The following GALNS variants were observed in gnomAD, a reference collection of about 807,000 sequenced individuals.
GALNS encodes the protein N-acetylgalactosamine-6-sulfatase.
A neutral mutation model predicts 65.9 loss-of-function variants in GALNS; 65 were observed. The ratio of observed to expected loss-of-function variants is 0.99; its 90% CI spans 0.81 to 1.21. The LOEUF (loss-of-function observed/expected upper bound fraction) is 1.21, where lower values mean the gene tolerates loss of function less well. Ranked by LOEUF, GALNS falls within the 50% of genes most tolerant of loss-of-function variation. GALNS has a pLI of 0.00. For missense variants in GALNS, 776 were observed against 700.7 expected, an observed-to-expected ratio of 1.11 and a Z score of -1.21; for synonymous variants, 346 against 288.9, an observed-to-expected ratio of 1.20 and a Z score of -2.00.
chr16:88,856,195 G>C, intron 1 of GALNS: 1 of 703,028 alleles, frequency 1.4e-6, no homozygotes, highest in Middle Eastern at 2.3e-4. Context: ...TCAGACCTTA[G>C]GGACACCTGA....
At chr16:88,842,891 A>G in intron 1 of GALNS, 62 bp from the exon 2 acceptor site, 3 of 1,598,092 alleles carry the variant, frequency 1.9e-6, no homozygotes, top group Non-Finnish European at 2.6e-6. Flanking sequence ...TGGCCTGGGG[A>G]GCTGCCCATG....
chr16:88,856,735 C>G, intron 1 of GALNS, 23 bp downstream of exon 1: 3 of 1,461,738 alleles, frequency 2.1e-6, no homozygotes, highest in Non-Finnish European at 1.8e-6. Context: ...CCGGCCCTGC[C>G]CCGTCCCACC....
chr16:88,818,037 G>T lies in GALNS; in HGVS notation c.1452C>A (p.Pro484=). Residue 484 remains proline, a synonymous_variant, in exon 13 of 14, where the codon CCC becomes CCA. Coordinates refer to ENST00000268695, the MANE Select transcript of GALNS (RefSeq NM_000512.5). ...QHQEALVPAQ[P]QLNVCNWAVM... is the part of the protein sequence containing the mutation. ...CCGCCCAGTTGCACACGTTGAGCTG[G>T]GGCTGCGCGGGGACCAAGGCCTCCT... is the stretch of plus-strand genomic sequence containing the variant. The T allele has an allele frequency of 6.3e-7, 1 of 1,581,802 alleles. No homozygotes were observed. The highest frequency in any genetic ancestry group is 2.3e-5 in the East Asian group (1 of 43,348).
intron 1 of GALNS, among the ~76,000 whole-genome samples, chr16:88,848,664 T>C (rs1230761989): frequency 6.6e-6 from 1 of 151,802 alleles, no homozygotes; most frequent in African/African-American, 2.4e-5. Flanking sequence ...CGGTGGGCGT[T>C]TGACTCGCTG....
In GALNS at chr16:88,856,878, G is replaced by A; in HGVS notation, c.-1C>T. On this transcript the variant is annotated 5_prime_UTR_variant, in exon 1 of 14. Coordinates refer to ENST00000268695, the MANE Select transcript of GALNS (RefSeq NM_000512.5). The stretch of plus-strand genomic sequence containing the variant: ...TCGTCGCCGCGACAACCGCCGCCAT[G>A]GCAACCACGGGAGCCGCGGAGCCCC... 2 of 1,507,834 alleles carry A rather than the reference G, an allele frequency of 1.3e-6. No individual in the cohort carries two copies. Among genetic ancestry groups the A allele is most frequent in the African/African-American group, 2.9e-5 (2 of 68,956 alleles). 93.4% of individuals were successfully genotyped at this position (1,507,834 alleles called of 1,614,324 possible).
chr16:88,855,176 T>C (rs534381998), intron 1 of GALNS: 3 of 665,570 alleles, frequency 4.5e-6, no homozygotes, highest in South Asian at 1.5e-5. Flanking sequence ...CAAAATATTA[T>C]TTCGACAAGT....
intron 1 of GALNS, among the ~76,000 whole-genome samples, chr16:88,848,998 CCCT>C (rs1967385380): frequency 6.6e-6 from 1 of 152,202 alleles, no homozygotes; most frequent in South Asian, 2.1e-4. Context: ...TTGCCTCAGC[CCCT>C]CCTAACGTGT....
chr16:88,825,878 G>C (rs1031303206), intron 10 of GALNS, among the ~76,000 whole-genome samples: 1 of 152,166 alleles, frequency 6.6e-6, no homozygotes, highest in Non-Finnish European at 1.5e-5. Context: ...AGCCGGAGGC[G>C]GCAGCTGCCT....
At position 88,815,762 on chromosome 16, in the gene GALNS, C is replaced by A. The variant is rs1176989764; in HGVS notation, c.1483-1237G>T. Reference sequence around the variant, plus strand: ...CAGGGATGCCGCATGAGTGTCCCTGCCCCCTTGGCCACCAGAGCAGGAGTG... The same window carrying A: ...CAGGGATGCCGCATGAGTGTCCCTGACCCCTTGGCCACCAGAGCAGGAGTG... On this transcript the variant is annotated intron_variant, in intron 13 of 13. Transcript: ENST00000268695. 8 of 985,344 alleles carry A rather than the reference C, an allele frequency of 8.1e-6. No homozygotes were observed. In the African/African-American group the frequency reaches 1.4e-4, roughly 17 times the overall value. 61.0% of individuals were successfully genotyped at this position (985,344 alleles called of 1,614,324 possible). A position where few individuals can be genotyped will look rare whatever the true frequency, so the allele number is the denominator to read the frequency against.
intron 7 of GALNS, 91 bp from the exon 8 acceptor site, chr16:88,835,443 C>T (rs1912021868): frequency 1.3e-6 from 2 of 1,512,628 alleles, no homozygotes; most frequent in African/African-American, 2.7e-5. Flanking sequence ...TCACGGAGTT[C>T]ATTAAATCAT....
At chr16:88,847,720 TAA>T (rs1236852327) in intron 1 of GALNS, among the ~76,000 whole-genome samples, 1 of 152,148 alleles carries the variant, frequency 6.6e-6, no homozygotes, top group Non-Finnish European at 1.5e-5. Context: ...AACAAAACAT[TAA>T]AAGTGAACTC....
At chr16:88,823,783 C>T (rs1249599074) in intron 11 of GALNS, among the ~76,000 whole-genome samples, 4 of 140,668 alleles carry the variant, frequency 2.8e-5, no homozygotes, top group South Asian at 2.3e-4. Context: ...CGGCAATGCC[C>T]GGGGACCGAT....
At position 88,838,270 on chromosome 16, in the gene GALNS, C is replaced by A. The variant is rs1567533802; in HGVS notation, c.423-505G>T. 4.6e-5 allele frequency among the ~76,000 whole-genome samples: 7 copies of A among 152,214 alleles called. No homozygotes were observed. In the South Asian group the frequency reaches 1.4e-3, roughly 31 times the overall value. On this transcript the variant is annotated intron_variant, in intron 4 of 13. Transcript: ENST00000268695. ...CTCATCTCCCAGTTCAGGGCAATGGCCCCAGGATGACGACTGGGCGGGGCG... is the reference window on the plus strand; with the variant it reads ...CTCATCTCCCAGTTCAGGGCAATGGACCCAGGATGACGACTGGGCGGGGCG...
At position 88,835,854 on chromosome 16, in the gene GALNS, G is replaced by A. The variant is rs1354095513; in HGVS notation, c.634-5C>T. ...CTTAATGAAGTCCAGGGCTTCCTAT[G>A]GAGAGAGCCACACCGTCGTCCTCCA... On this transcript the variant is annotated splice_region_variant and splice_polypyrimidine_tract_variant and intron_variant, in intron 6 of 13. Transcript: ENST00000268695. 1.2e-6 allele frequency: 2 copies of A among 1,613,866 alleles called. No homozygotes were observed. The highest frequency in any genetic ancestry group is 1.7e-6 in the Non-Finnish European group (2 of 1,180,018).
Position 88,851,093 on chromosome 16 carries a change from C to T in GALNS, c.120+5665G>A, listed in dbSNP as rs74398148. On this transcript the variant is annotated intron_variant, in intron 1 of 13. Transcript: ENST00000268695. The stretch of plus-strand genomic sequence containing the variant: ...CTGACCCTGTTCTTTCATTATTTAT[C>T]GGCGCCTTTCTTGGCTATGAAAAGC... Among the ~76,000 whole-genome samples, 496 of 152,244 alleles carry T rather than the reference C, an allele frequency of 3.3e-3. 5 individuals carry two copies. Among genetic ancestry groups the T allele is most frequent in the African/African-American group, 0.011 (476 of 41,584 alleles).
intron 4 of GALNS, chr16:88,840,601 G>T: frequency 2.8e-6 from 1 of 351,378 alleles, no homozygotes; most frequent in South Asian, 2.3e-5. Flanking sequence ...CCATCCAACA[G>T]GCCCCTAGGG....
chr16:88,816,863 G>A (rs1353273106), intron 13 of GALNS: 11 of 985,454 alleles, frequency 1.1e-5, no homozygotes, highest in Middle Eastern at 5.2e-4. Flanking sequence ...CCTTCTTCCC[G>A]AATCCTGCGC....
intron 13 of GALNS, chr16:88,817,371 G>C (rs1909740265): frequency 1.0e-6 from 1 of 985,340 alleles, no homozygotes; most frequent in Non-Finnish European, 1.2e-6. Flanking sequence ...AGGTGAACAA[G>C]GCCTGGTCTT....
intron 13 of GALNS, chr16:88,815,598 T>C (rs1278698151): frequency 4.1e-6 from 4 of 985,262 alleles, no homozygotes; most frequent in Middle Eastern, 5.2e-4. Context: ...ATGAGTGCAG[T>C]TTGGTTCTGT....
Sources: gnomAD v4.1 joint callset for allele counts (sites outside exome capture counted in the v4.1 genomes callset) on GRCh38, gnomAD v4.1.1 for gene constraint, MANE v1.5 for transcripts, NCBI Gene and HGNC (gene_info 2026-07-23, HGNC 2026-07-21) for gene names.